RAD21: variants seen among roughly 807,000 people sequenced by gnomAD.
RAD21 encodes double-strand-break repair protein rad21 homolog.
RAD21 carries 18 observed loss-of-function variants against 71.5 expected under a neutral mutation model. That is an observed-to-expected ratio of 0.25 (90% CI 0.17 to 0.37). RAD21 has a LOEUF of 0.37. Ranked by LOEUF, RAD21 falls within the 10% of genes least tolerant of loss-of-function variation. RAD21 has a pLI of 1.00. For synonymous variants in RAD21, 248 were observed against 254.0 expected (o/e 0.98, Z 0.22); for missense variants, 493 against 769.1 (o/e 0.64, Z 4.25).
intron 1 of RAD21, among the ~76,000 whole-genome samples, chr8:116,868,566 C>T (rs1253249916): frequency 2.0e-5 from 3 of 151,636 alleles, no homozygotes; most frequent in Non-Finnish European, 4.4e-5. Context: ...TTTAAAGAAT[C>T]TTTAATACAA....
intron 4 of RAD21, among the ~76,000 whole-genome samples, chr8:116,858,885 A>T (rs570911991): frequency 6.6e-6 from 1 of 152,034 alleles, no homozygotes; most frequent in African/African-American, 2.4e-5. Context: ...AATAAAAAAT[A>T]AAAAGTATGT....
chr8:116,872,896 G>C (rs1044375163), intron 1 of RAD21, among the ~76,000 whole-genome samples: 2 of 152,150 alleles, frequency 1.3e-5, no homozygotes, highest in Non-Finnish European at 2.9e-5. Context: ...TTTACAATCA[G>C]ACAGTCGTAG....
Position 116,847,347 on chromosome 8 carries a change from T to C in RAD21, c.*153A>G. 1 of 633,134 alleles carries C rather than the reference T, an allele frequency of 1.6e-6. No individual in the cohort carries two copies. The allele number at this position is 633,134 out of a possible 1,614,324, so 39.2% of individuals were successfully genotyped here. ...TTCCCTCAAAGATGAAATTGACAAATTTAATGTACTGGAAAAAAATGAAGA... is the reference window on the plus strand; with the variant it reads ...TTCCCTCAAAGATGAAATTGACAAACTTAATGTACTGGAAAAAAATGAAGA... On this transcript the variant is annotated 3_prime_UTR_variant, in exon 14 of 14. Transcript: ENST00000297338.
intron 5 of RAD21, among the ~76,000 whole-genome samples, chr8:116,857,900 G>C (rs998440816): frequency 1.4e-4 from 22 of 152,184 alleles, no homozygotes; most frequent in African/African-American, 5.3e-4. Flanking sequence ...TTGAATCCAA[G>C]AGTTCGAGGC....
At chr8:116,873,021 G>T (rs548514043) in intron 1 of RAD21, among the ~76,000 whole-genome samples, 1 of 152,232 alleles carries the variant, frequency 6.6e-6, no homozygotes, top group African/African-American at 2.4e-5. Flanking sequence ...AAATACAAGG[G>T]CACACCTAAC....
At chr8:116,871,950 C>G (rs1253168936) in intron 1 of RAD21, among the ~76,000 whole-genome samples, 2 of 152,140 alleles carry the variant, frequency 1.3e-5, no homozygotes, top group South Asian at 2.1e-4. Flanking sequence ...CCTACTTGGC[C>G]ATCAATAAGT....
Position 116,866,634 on chromosome 8 carries a change from C to T in RAD21, c.96G>A (p.Val32=). The T allele has an allele frequency of 6.2e-7, 1 of 1,613,294 alleles. No homozygotes were observed. The highest frequency in any genetic ancestry group is 8.5e-7 in the Non-Finnish European group (1 of 1,179,632). Residue 32 remains valine, a synonymous_variant, in exon 2 of 14, where the codon GTG becomes GTA. Transcript: ENST00000297338. ...CGCTGCTCTCTAAATTACACTCGAA[C>T]ACATGGGCTTTGGTTAGCTTCTTAT... is the stretch of plus-strand genomic sequence containing the variant. ...HWDKKLTKAH[V]FECNLESSVE...
intron 4 of RAD21, 24 bp downstream of exon 4, chr8:116,861,817 T>G: frequency 6.5e-7 from 1 of 1,544,500 alleles, no homozygotes; most frequent in Non-Finnish European, 8.9e-7. Flanking sequence ...AAGTCAACAA[T>G]TTTTTTTAAA....
chr8:116,868,550 T>C (rs1812744895), intron 1 of RAD21, among the ~76,000 whole-genome samples: 1 of 152,142 alleles, frequency 6.6e-6, no homozygotes, highest in East Asian at 1.9e-4. Context: ...AAGTATATGT[T>C]TAGTTTTTAA....
At chr8:116,862,051 A>T in intron 3 of RAD21, 111 bp from the exon 4 acceptor site, 1 of 761,354 alleles carries the variant, frequency 1.3e-6, no homozygotes, top group Non-Finnish European at 2.2e-6. Flanking sequence ...AGAAAGGTTG[A>T]TAACATATGC....
intron 9 of RAD21, among the ~76,000 whole-genome samples, chr8:116,853,688 C>G (rs1339861315): frequency 6.6e-6 from 1 of 152,058 alleles, no homozygotes; most frequent in Admixed American, 6.6e-5. Flanking sequence ...TCTAAATACA[C>G]GGTAAAATCA....
rs558851315 is a variant in RAD21 at position 116,874,687 on chromosome 8, G to C, written c.-109C>G. ...GGGTCGGGGGAGGGGGTGGGGAAAG[G>C]GGGGAGCCCTTGCGAGGTGTAGCTT... is the stretch of plus-strand genomic sequence containing the variant. On this transcript the variant is annotated 5_prime_UTR_variant, in exon 1 of 14. Coordinates refer to ENST00000297338, the MANE Select transcript of RAD21 (RefSeq NM_006265.3). The C allele has an allele frequency of 9.6e-6, 4 of 417,690 alleles. No homozygotes were observed. The highest frequency in any genetic ancestry group is 7.1e-5 in the East Asian group (1 of 14,174). 25.9% of individuals were successfully genotyped at this position (417,690 alleles called of 1,614,324 possible).
chr8:116,847,465 G>C lies in RAD21; in HGVS notation c.*35C>G. The C allele has an allele frequency of 6.5e-7, 1 of 1,549,342 alleles. No individual in the cohort carries two copies. The stretch of plus-strand genomic sequence containing the variant: ...ACATGGGGGCAATTTGTAAGCACTA[G>C]TGAATCAAACACTAGCTATAATGCT... On this transcript the variant is annotated 3_prime_UTR_variant, in exon 14 of 14. Transcript: ENST00000297338.
chr8:116,857,173 C>G, intron 6 of RAD21, 94 bp downstream of exon 6: 1 of 1,042,894 alleles, frequency 9.6e-7, no homozygotes, highest in South Asian at 1.5e-5. Context: ...TATCTAAAAG[C>G]TGTTCAAGAC....
At chr8:116,849,621 CT>C in intron 12 of RAD21, 1 of 152,278 alleles carries the variant, frequency 6.6e-6, no homozygotes, top group East Asian at 1.9e-4. Flanking sequence ...GCCTAAATGA[CT>C]TTTTAAAGTC....
rs1020543137 is a variant in RAD21, at chr8:116,846,308, A to C, written c.*1192T>G. On this transcript the variant is annotated 3_prime_UTR_variant, in exon 14 of 14. Coordinates refer to ENST00000297338, the MANE Select transcript of RAD21 (RefSeq NM_006265.3). ...TTCAAAAGTGATTTTTTTTTCCCAC[A>C]AAAGTTTCAACACTTAAGCTAGAAC... The C allele has an allele frequency of 2.2e-5, 5 of 231,202 alleles. No homozygotes were observed. The highest frequency in any genetic ancestry group is 4.3e-5 in the Non-Finnish European group (5 of 116,700). 14.3% of individuals were successfully genotyped at this position (231,202 alleles called of 1,614,324 possible).
chr8:116,874,573 G>A (rs1013859448), intron 1 of RAD21, 38 bp downstream of exon 1: 23 of 326,516 alleles, frequency 7.0e-5, no homozygotes, highest in Non-Finnish European at 1.3e-4. Flanking sequence ...TGGGGGGAGG[G>A]AGCTGGAGGA....
At chr8:116,872,578 G>A (rs1419663639) in intron 1 of RAD21, among the ~76,000 whole-genome samples, 1 of 151,028 alleles carries the variant, frequency 6.6e-6, no homozygotes, top group Non-Finnish European at 1.5e-5. Context: ...ATTTTAACTC[G>A]GGACATAAAT....
chr8:116,866,928 T>C, intron 1 of RAD21, 167 bp from the exon 2 acceptor site: 1 of 437,226 alleles, frequency 2.3e-6, no homozygotes, highest in East Asian at 3.8e-5. Flanking sequence ...AACAAATCTA[T>C]TGTTTTAATT....
Sources: allele counts gnomAD v4.1 joint callset (sites outside exome capture counted in the v4.1 genomes callset), GRCh38; gene constraint gnomAD v4.1.1; transcripts MANE v1.5; gene names NCBI Gene and HGNC (gene_info 2026-07-23, HGNC 2026-07-21).